The following NRG1 variants were observed in gnomAD, a reference collection of about 807,000 sequenced individuals.
NRG1 encodes pro-neuregulin-1, membrane-bound isoform.
Under a neutral mutation model 63.8 loss-of-function variants are expected in NRG1, and 18 were observed. The observed-to-expected ratio is 0.28, with a 90% CI of 0.19 to 0.42. The LOEUF is 0.42. Among genes scored for constraint, NRG1 ranks in the 10% least tolerant of loss-of-function variants. The pLI is 1.00. For synonymous variants in NRG1, 302 were observed against 301.3 expected, an observed-to-expected ratio of 1.00 and a Z score of -0.02; for missense variants, 762 against 814.7, an observed-to-expected ratio of 0.94 and a Z score of 0.79.
intron 6 of NRG1, among the ~76,000 whole-genome samples, chr8:32,733,155 T>C (rs975310787): frequency 6.6e-6 from 1 of 152,162 alleles, no homozygotes; most frequent in Non-Finnish European, 1.5e-5. Flanking sequence ...GCAGTTTTAT[T>C]TGGTTTGTTG....
chr8:31,692,321 G>A (rs1025748660), intron 1 of NRG1, among the ~76,000 whole-genome samples: 1 of 152,164 alleles, frequency 6.6e-6, no homozygotes, highest in African/African-American at 2.4e-5. Flanking sequence ...TTAATAATTT[G>A]TAGAACTTTC....
At chr8:32,413,232 G>A (rs189923294) in intron 1 of NRG1, among the ~76,000 whole-genome samples, 14 of 152,214 alleles carry the variant, frequency 9.2e-5, no homozygotes, top group Admixed American at 1.3e-4. Context: ...AATAATAGGC[G>A]ATTGGTTAAA....
chr8:31,984,439 T>C (rs1401038500), intron 1 of NRG1, among the ~76,000 whole-genome samples: 1 of 152,032 alleles, frequency 6.6e-6, no homozygotes, highest in Admixed American at 6.6e-5. Context: ...TCTTTAAAAA[T>C]AGACAGATGA....
At chr8:32,509,451 T>C (rs1021416351) in intron 1 of NRG1, among the ~76,000 whole-genome samples, 6 of 152,166 alleles carry the variant, frequency 3.9e-5, no homozygotes, top group African/African-American at 1.4e-4. Flanking sequence ...TACTTAAGAC[T>C]TTAAAACAAA....
At chr8:32,159,962 G>A (rs1351025975) in intron 1 of NRG1, among the ~76,000 whole-genome samples, 1 of 152,176 alleles carries the variant, frequency 6.6e-6, no homozygotes, top group African/African-American at 2.4e-5. Context: ...TTTCTCTATT[G>A]TCTTATTGAG....
At chr8:31,991,284 C>A (rs1298173507) in intron 1 of NRG1, among the ~76,000 whole-genome samples, 7 of 151,864 alleles carry the variant, frequency 4.6e-5, no homozygotes, top group Non-Finnish European at 1.5e-5. Context: ...ACGACGACAA[C>A]AACTTCTTCT....
At chr8:32,506,961 C>T (rs1180714312) in intron 1 of NRG1, among the ~76,000 whole-genome samples, 1 of 152,024 alleles carries the variant, frequency 6.6e-6, no homozygotes, top group Non-Finnish European at 1.5e-5. Context: ...GATTAATTAC[C>T]CTCAACCCAT....
intron 1 of NRG1, among the ~76,000 whole-genome samples, chr8:32,008,213 AT>A (rs1255377094): frequency 6.6e-6 from 1 of 151,894 alleles, no homozygotes; most frequent in African/African-American, 2.4e-5. Flanking sequence ...TCATATATTT[AT>A]TAGAGTACGC....
intron 1 of NRG1, among the ~76,000 whole-genome samples, chr8:31,689,612 T>C (rs1809282480): frequency 2.0e-5 from 3 of 152,334 alleles, no homozygotes; most frequent in Non-Finnish European, 4.4e-5. Flanking sequence ...CTTTATTTCT[T>C]TATTTATCTC....
At chr8:32,013,320 T>C (rs920458330) in intron 1 of NRG1, among the ~76,000 whole-genome samples, 2 of 152,056 alleles carry the variant, frequency 1.3e-5, no homozygotes, top group Admixed American at 6.6e-5. Context: ...AGGAACCACT[T>C]TGCTGACCAA....
chr8:32,523,709 G>A (rs999867868), intron 1 of NRG1, among the ~76,000 whole-genome samples: 1 of 151,988 alleles, frequency 6.6e-6, no homozygotes, highest in African/African-American at 2.4e-5. Context: ...AATTAGTTGG[G>A]CATGGTGGCA....
In NRG1 at chr8:32,067,882, A is replaced by G. The variant is rs528947917; in HGVS notation, c.37+428451A>G. Among the ~76,000 whole-genome samples the G allele has an allele frequency of 8.5e-5, 13 of 152,252 alleles. 1 individual carries two copies. In the South Asian group the frequency reaches 2.7e-3, roughly 32 times the overall value. ...AATCCCATCAGGATTTAGTTTGACAAATTTTTCAGAAACTTATAAAGATGA... is the reference window on the plus strand; with the variant it reads ...AATCCCATCAGGATTTAGTTTGACAGATTTTTCAGAAACTTATAAAGATGA... On this transcript the variant is annotated intron_variant, in intron 1 of 10. Coordinates refer to the NRG1 transcript ENST00000519301.
intron 5 of NRG1, among the ~76,000 whole-genome samples, chr8:32,727,478 T>C (rs1243578991): frequency 1.3e-5 from 2 of 152,202 alleles, no homozygotes; most frequent in African/African-American, 4.8e-5. Flanking sequence ...TTTTTCAATA[T>C]ATACATCATG....
intron 1 of NRG1, among the ~76,000 whole-genome samples, chr8:31,804,442 C>T (rs575039870): frequency 6.6e-6 from 1 of 152,280 alleles, no homozygotes; most frequent in East Asian, 1.9e-4. Context: ...CTAAACATCT[C>T]TGATTGGGCC....
chr8:32,038,784 G>T (rs1192352095), intron 1 of NRG1, among the ~76,000 whole-genome samples: 1 of 152,040 alleles, frequency 6.6e-6, no homozygotes, highest in African/African-American at 2.4e-5. Flanking sequence ...CTTGCAGAGA[G>T]AATTTGTGTC....
chr8:32,661,102 A>G (rs2128874232), intron 5 of NRG1, among the ~76,000 whole-genome samples: 1 of 152,334 alleles, frequency 6.6e-6, no homozygotes, highest in Middle Eastern at 3.4e-3. Flanking sequence ...TGTCAGTCAG[A>G]AATAGAGCGA....
intron 1 of NRG1, among the ~76,000 whole-genome samples, chr8:31,989,347 A>G (rs142529834): frequency 2.9e-4 from 44 of 151,670 alleles, no homozygotes; most frequent in African/African-American, 1.0e-3. Context: ...TTTAGCAGGA[A>G]CATCACATTC....
intron 5 of NRG1, among the ~76,000 whole-genome samples, chr8:32,686,970 G>T (rs1399004946): frequency 6.6e-6 from 1 of 152,200 alleles, no homozygotes; most frequent in Non-Finnish European, 1.5e-5. Flanking sequence ...GAATCTGGAT[G>T]CAAGAGCCTG....
chr8:31,950,304 A>G (rs897495706), intron 1 of NRG1, among the ~76,000 whole-genome samples: 3 of 152,240 alleles, frequency 2.0e-5, no homozygotes, highest in Non-Finnish European at 2.9e-5. Context: ...TCTTTTAAAA[A>G]TTTCCATTTC....
Sources: gnomAD v4.1 joint callset for allele counts (sites outside exome capture counted in the v4.1 genomes callset) on GRCh38, gnomAD v4.1.1 for gene constraint, MANE v1.5 for transcripts, NCBI Gene and HGNC (gene_info 2026-07-23, HGNC 2026-07-21) for gene names.